NRG3: variants seen among roughly 807,000 people sequenced by gnomAD.
The protein encoded by NRG3 is pro-neuregulin-3, membrane-bound isoform.
In NRG3, 31 loss-of-function variants were observed where a neutral mutation model predicts 66.9. The ratio of observed to expected loss-of-function variants is 0.46; its 90% CI spans 0.35 to 0.63. NRG3 has a LOEUF of 0.63. Among genes scored for constraint, NRG3 ranks in the 20% least tolerant of loss-of-function variants. The probability of loss-of-function intolerance (pLI) is 0.00; values close to 1 mark genes in which losing one functional copy is unlikely to be tolerated. For missense variants in NRG3, 910 were observed against 878.9 expected, an observed-to-expected ratio of 1.04 and a Z score of -0.45; for synonymous variants, 393 against 359.4, an observed-to-expected ratio of 1.09 and a Z score of -1.06.
intron 1 of NRG3, among the ~76,000 whole-genome samples, chr10:82,021,194 A>G (rs1045391305): frequency 5.3e-5 from 8 of 151,986 alleles, no homozygotes; most frequent in Non-Finnish European, 7.4e-5. Flanking sequence ...GGCATTTCCA[A>G]TCGATTTAGG....
chr10:82,067,699 C>T (rs114525871), intron 1 of NRG3, among the ~76,000 whole-genome samples: 3,353 of 152,248 alleles, frequency 0.022, 116 homozygotes, highest in African/African-American at 0.076. Context: ...TTGTGTTTTT[C>T]AGAGAGGAAC....
At chr10:82,862,747 G>A (rs927100247) in intron 3 of NRG3, among the ~76,000 whole-genome samples, 42 of 152,066 alleles carry the variant, frequency 2.8e-4, no homozygotes, top group African/African-American at 8.2e-4. Flanking sequence ...CTTGGGATTC[G>A]CTCTCAAAAC....
intron 1 of NRG3, among the ~76,000 whole-genome samples, chr10:81,936,422 G>T (rs1402207214): frequency 6.6e-6 from 1 of 152,034 alleles, no homozygotes; most frequent in Non-Finnish European, 1.5e-5. Context: ...AGTCTCTGTA[G>T]GTTACTAAGC....
intron 1 of NRG3, among the ~76,000 whole-genome samples, chr10:82,174,947 T>C (rs2072915379): frequency 6.6e-6 from 1 of 152,186 alleles, no homozygotes; most frequent in Admixed American, 6.6e-5. Context: ...AGTACAACCC[T>C]TTCCCATTAT....
At chr10:82,887,464 C>A (rs1382811124) in intron 4 of NRG3, among the ~76,000 whole-genome samples, 2 of 152,194 alleles carry the variant, frequency 1.3e-5, no homozygotes, top group Non-Finnish European at 2.9e-5. Flanking sequence ...TTGTTAGAAT[C>A]AGCATTTATA....
chr10:82,517,326 A>G (rs1845753854), intron 2 of NRG3, among the ~76,000 whole-genome samples: 1 of 152,168 alleles, frequency 6.6e-6, no homozygotes, highest in African/African-American at 2.4e-5. Flanking sequence ...TAAGGGGAAA[A>G]AAGTATGTAT....
chr10:82,363,023 AC>A (rs2084287504), intron 2 of NRG3, among the ~76,000 whole-genome samples: 1 of 152,246 alleles, frequency 6.6e-6, no homozygotes, highest in Non-Finnish European at 1.5e-5. Context: ...AAAATTAACA[AC>A]TTTGACACAG....
intron 3 of NRG3, among the ~76,000 whole-genome samples, chr10:82,810,268 T>C (rs2061437580): frequency 6.6e-6 from 1 of 152,152 alleles, no homozygotes; most frequent in Non-Finnish European, 1.5e-5. Context: ...CTTTGAAAAG[T>C]TTTAAAGATC....
chr10:82,111,251 G>A (rs771111982), intron 1 of NRG3, among the ~76,000 whole-genome samples: 7 of 152,062 alleles, frequency 4.6e-5, no homozygotes, highest in African/African-American at 1.2e-4. Context: ...TTATCACTTC[G>A]TCAGCTTACA....
intron 1 of NRG3, among the ~76,000 whole-genome samples, chr10:82,190,919 T>C (rs528216349): frequency 2.0e-5 from 3 of 152,274 alleles, no homozygotes; most frequent in Non-Finnish European, 2.9e-5. Context: ...ATAACTCTAG[T>C]AGAGACAGGA....
chr10:82,278,208 A>C (rs948460477), intron 1 of NRG3, among the ~76,000 whole-genome samples: 2 of 152,030 alleles, frequency 1.3e-5, no homozygotes, highest in Non-Finnish European at 2.9e-5. Context: ...GATGGACTAC[A>C]TATTTTTTTT....
At chr10:82,948,543 A>G (rs1849235561) in intron 4 of NRG3, among the ~76,000 whole-genome samples, 1 of 152,124 alleles carries the variant, frequency 6.6e-6, no homozygotes, top group African/African-American at 2.4e-5. Context: ...TGACATCTTA[A>G]TAATATCAAG....
intron 1 of NRG3, among the ~76,000 whole-genome samples, chr10:82,128,813 T>C (rs1385758266): frequency 6.6e-6 from 1 of 152,018 alleles, no homozygotes; most frequent in African/African-American, 2.4e-5. Context: ...TTTTCCACTT[T>C]GAGTTTACAA....
intron 2 of NRG3, among the ~76,000 whole-genome samples, chr10:82,716,261 G>A (rs1298240395): frequency 6.6e-6 from 1 of 152,050 alleles, no homozygotes; most frequent in Non-Finnish European, 1.5e-5. Context: ...TTTTTAATTG[G>A]GTTGGGTTAA....
intron 1 of NRG3, among the ~76,000 whole-genome samples, chr10:82,141,320 A>G (rs921152112): frequency 6.6e-6 from 1 of 152,162 alleles, no homozygotes; most frequent in African/African-American, 2.4e-5. Context: ...CTGGACCTAA[A>G]CACTTGGCAG....
At chr10:82,503,896 G>A (rs530982026) in intron 2 of NRG3, among the ~76,000 whole-genome samples, 24 of 152,234 alleles carry the variant, frequency 1.6e-4, no homozygotes, top group African/African-American at 5.8e-4. Context: ...CTAATGTAGT[G>A]GGGTGTACTT....
intron 3 of NRG3, among the ~76,000 whole-genome samples, chr10:82,840,616 G>A (rs753120797): frequency 3.3e-5 from 5 of 152,082 alleles, no homozygotes; most frequent in African/African-American, 4.8e-5. Context: ...AGAGAATATC[G>A]TAACTGCTAT....
At chr10:82,683,160 G>A (rs2484457) in intron 2 of NRG3, among the ~76,000 whole-genome samples, 117,871 of 151,530 alleles carry the variant, frequency 0.78, 49,080 homozygotes, top group East Asian at 1. Flanking sequence ...GGGTTTCACC[G>A]TGTTAGCCAG....
intron 1 of NRG3, among the ~76,000 whole-genome samples, chr10:82,255,218 C>T (rs192740626): frequency 6.6e-6 from 1 of 152,130 alleles, no homozygotes; most frequent in Non-Finnish European, 1.5e-5. Flanking sequence ...ATGGGCCATC[C>T]TATAAAATAC....
Sources: gnomAD v4.1 joint callset for allele counts (sites outside exome capture counted in the v4.1 genomes callset) on GRCh38, gnomAD v4.1.1 for gene constraint, MANE v1.5 for transcripts, NCBI Gene and HGNC (gene_info 2026-07-23, HGNC 2026-07-21) for gene names.